Variants in C10orf88 observed in about 807,000 individuals in gnomAD.
The protein encoded by C10orf88 is chromosome 10 open reading frame 88, also known as ATPase PAAT.
Under a neutral mutation model 34.2 loss-of-function variants are expected in C10orf88, and 29 were observed. That is an observed-to-expected ratio of 0.85 (90% CI 0.63 to 1.16). The LOEUF (loss-of-function observed/expected upper bound fraction) is 1.16. C10orf88 is among the 50% of genes most tolerant of loss of function. The pLI is 0.00. For missense variants in C10orf88, 507 were observed against 533.2 expected (o/e 0.95, Z 0.48); for synonymous variants, 194 against 197.4 (o/e 0.98, Z 0.15).
chr10:122,943,197 C>T (rs1420818616), intron 4 of C10orf88, among the ~76,000 whole-genome samples: 1 of 139,172 alleles, frequency 7.2e-6, no homozygotes, highest in African/African-American at 2.7e-5. Context: ...TGGAACAGAA[C>T]AGAGCCCTCA....
Position 122,931,818 on chromosome 10 carries a change from G to A in C10orf88, c.*609C>T, listed in dbSNP as rs1208974766. On this transcript the variant is annotated 3_prime_UTR_variant, in exon 6 of 6. Transcript: ENST00000481909. ...AATCCAAAGTACTAATCGTAACAAGGACTAGGCTAGTTCTGATGTTTACTT... is the reference window on the plus strand; with the variant it reads ...AATCCAAAGTACTAATCGTAACAAGAACTAGGCTAGTTCTGATGTTTACTT... The A allele has an allele frequency of 2.6e-5, 4 of 152,294 alleles. No individual in the cohort carries two copies. Among genetic ancestry groups the A allele is most frequent in the Non-Finnish European group, 5.9e-5 (4 of 68,026 alleles). The allele number at this position is 152,294 out of a possible 1,614,324, so 9.4% of individuals were successfully genotyped here. A position where few individuals can be genotyped will look rare whatever the true frequency, so the allele number is the denominator to read the frequency against.
At chr10:122,942,604 T>C (rs1289965495) in intron 4 of C10orf88, among the ~76,000 whole-genome samples, 1 of 150,190 alleles carries the variant, frequency 6.7e-6, no homozygotes, top group African/African-American at 2.4e-5. Flanking sequence ...GCAGATGACA[T>C]GATTGTATAT....
chr10:122,940,941 C>T (rs1848575475), intron 4 of C10orf88, among the ~76,000 whole-genome samples: 1 of 151,914 alleles, frequency 6.6e-6, no homozygotes, highest in African/African-American at 2.4e-5. Flanking sequence ...ATATGTATAA[C>T]TACATATATT....
At position 122,948,669 on chromosome 10, in the gene C10orf88, T is replaced by C. The variant is rs750905259; in HGVS notation, c.628A>G (p.Met210Val). 16 of 1,613,910 alleles carry C rather than the reference T, an allele frequency of 9.9e-6. No homozygotes were observed. The highest frequency in any genetic ancestry group is 1.3e-5 in the African/African-American group (1 of 75,040). Residue 210 changes from methionine to valine, a missense_variant, in exon 4 of 6, where the codon ATG (methionine) becomes GTG (valine). Physicochemically the swap from Met to Val is conservative, Grantham distance 21. Transcript: ENST00000481909. ...CTTACCCGCTGCTGACACCTAACCATATCCATCAACTGCTGAGCTCCAGGA... is the reference window on the plus strand; with the variant it reads ...CTTACCCGCTGCTGACACCTAACCACATCCATCAACTGCTGAGCTCCAGGA... ...LSPGAQQLMD[M>V]VRCQQRNCIP...
At position 122,932,560 on chromosome 10, in the gene C10orf88, T is replaced by C. The variant is rs765856008; in HGVS notation, c.1205A>G (p.His402Arg). ...ATCATCAATGTGCTCCTGGAGTTCA[T>C]GTATTCGCTGATCAATGTAATCCAT... ...KLMDYIDQRIHELQEHIDDKI... is the reference protein window; with the variant it reads ...KLMDYIDQRIRELQEHIDDKI... The change falls in exon 6 of 6, where the codon CAT (histidine) becomes CGT (arginine). Residue 402 changes from histidine to arginine, a missense_variant. Coordinates refer to ENST00000481909, the MANE Select transcript of C10orf88 (RefSeq NM_024942.4). 14 of 1,613,900 alleles carry C rather than the reference T, an allele frequency of 8.7e-6. No homozygotes were observed. The Admixed American group carries it at 1.3e-4, about 15-fold the overall frequency.
chr10:122,942,393 T>C (rs1435958569), intron 4 of C10orf88, among the ~76,000 whole-genome samples: 1 of 152,172 alleles, frequency 6.6e-6, no homozygotes, highest in Non-Finnish European at 1.5e-5. Context: ...AAGAGCTATC[T>C]ATGACAAACC....
chr10:122,935,886 T>C (rs1307923687), intron 5 of C10orf88, among the ~76,000 whole-genome samples: 2 of 151,872 alleles, frequency 1.3e-5, no homozygotes, highest in Non-Finnish European at 2.9e-5. Flanking sequence ...GTATTTTTTA[T>C]AGATTTACAT....
chr10:122,943,404 C>A (rs1316532789), intron 4 of C10orf88, among the ~76,000 whole-genome samples: 2 of 150,036 alleles, frequency 1.3e-5, no homozygotes, highest in Non-Finnish European at 3.0e-5. Context: ...AACGTTAGAC[C>A]TAAAACCATA....
In C10orf88 at chr10:122,932,314, G is replaced by A; in HGVS notation, c.*113C>T. On this transcript the variant is annotated 3_prime_UTR_variant, in exon 6 of 6. Transcript: ENST00000481909. ...CGAAAACTGAGGTCACTTTGTGTAAGACAATGATCCCTCAAAGGACATTAA... is the reference window on the plus strand; with the variant it reads ...CGAAAACTGAGGTCACTTTGTGTAAAACAATGATCCCTCAAAGGACATTAA... The A allele has an allele frequency of 3.4e-6, 3 of 881,108 alleles. No individual in the cohort carries two copies. Among genetic ancestry groups the A allele is most frequent in the Non-Finnish European group, 5.1e-6 (3 of 591,958 alleles). The allele number at this position is 881,108 out of a possible 1,614,324, so 54.6% of individuals were successfully genotyped here.
chr10:122,937,243 T>C (rs1848542040), intron 5 of C10orf88, among the ~76,000 whole-genome samples: 1 of 152,032 alleles, frequency 6.6e-6, no homozygotes, highest in Non-Finnish European at 1.5e-5. Flanking sequence ...GGATAATAGC[T>C]TGTAAACTAC....
intron 5 of C10orf88, among the ~76,000 whole-genome samples, chr10:122,937,303 G>A (rs536198629): frequency 2.4e-4 from 36 of 152,044 alleles, no homozygotes; most frequent in African/African-American, 8.0e-4. Flanking sequence ...AATTTGCCTA[G>A]ACCAAACATA....
chr10:122,943,037 T>G (rs1254394285), intron 4 of C10orf88, among the ~76,000 whole-genome samples: 2 of 151,744 alleles, frequency 1.3e-5, no homozygotes, highest in Non-Finnish European at 2.9e-5. Flanking sequence ...AAAGTTCATA[T>G]GGAACCAAAA....
At chr10:122,935,560 T>C (rs1848527373) in intron 5 of C10orf88, among the ~76,000 whole-genome samples, 1 of 151,980 alleles carries the variant, frequency 6.6e-6, no homozygotes, top group African/African-American at 2.4e-5. Flanking sequence ...TAGTGATTTC[T>C]CTTACACTTT....
intron 4 of C10orf88, among the ~76,000 whole-genome samples, chr10:122,942,893 G>A (rs1163974570): frequency 4.2e-5 from 6 of 143,754 alleles, no homozygotes; most frequent in African/African-American, 7.8e-5. Flanking sequence ...ACAAATGGAA[G>A]AACATTCCAT....
chr10:122,952,756 T>C, intron 2 of C10orf88, 73 bp downstream of exon 2: 1 of 1,556,940 alleles, frequency 6.4e-7, no homozygotes, highest in South Asian at 1.1e-5. Context: ...AGAGAATCAA[T>C]AATTATTGCA....
chr10:122,954,017 T>C lies in C10orf88; in HGVS notation c.162A>G (p.Pro54=). ...DWEELLAPPA[P]GQDLVILKRN... Reference sequence around the variant, plus strand: ...CCGTCCCCGTCGGCCCGGCGCACCCTGGAGCAGGCGGTGCCAGCAGCTCCT... The same window carrying C: ...CCGTCCCCGTCGGCCCGGCGCACCCCGGAGCAGGCGGTGCCAGCAGCTCCT... Residue 54 remains proline, a splice_region_variant and synonymous_variant, in exon 1 of 6, where the codon CCA becomes CCG. Coordinates refer to ENST00000481909, the MANE Select transcript of C10orf88 (RefSeq NM_024942.4). 6.6e-7 allele frequency: 1 copy of C among 1,522,862 alleles called. No homozygotes were observed. Among genetic ancestry groups the C allele is most frequent in the Non-Finnish European group, 8.8e-7 (1 of 1,138,966 alleles). 94.3% of individuals were successfully genotyped at this position (1,522,862 alleles called of 1,614,324 possible).
At chr10:122,939,361 C>A (rs1848563813) in intron 4 of C10orf88, among the ~76,000 whole-genome samples, 1 of 150,030 alleles carries the variant, frequency 6.7e-6, no homozygotes, top group Admixed American at 6.7e-5. Context: ...AGAAAAAAGT[C>A]AAGAAAAGAA....
At chr10:122,953,908 T>C (rs1258862173) in intron 1 of C10orf88, 107 bp downstream of exon 1, 5 of 947,080 alleles carry the variant, frequency 5.3e-6, no homozygotes, top group South Asian at 2.0e-5. Context: ...TGGTACCAAC[T>C]GCTCTCCCGG....
At chr10:122,945,492 C>T (rs1848631118) in intron 4 of C10orf88, among the ~76,000 whole-genome samples, 1 of 152,050 alleles carries the variant, frequency 6.6e-6, no homozygotes, top group Non-Finnish European at 1.5e-5. Context: ...TATTATTATA[C>T]AAGATGACAG....
Sources: gnomAD v4.1 joint callset for allele counts (sites outside exome capture counted in the v4.1 genomes callset) on GRCh38, gnomAD v4.1.1 for gene constraint, MANE v1.5 for transcripts, NCBI Gene and HGNC (gene_info 2026-07-23, HGNC 2026-07-21) for gene names.